The following CARF variants were observed in gnomAD, a reference collection of about 807,000 sequenced individuals.
The protein encoded by CARF is calcium responsive transcription factor.
Under a neutral mutation model 82.0 loss-of-function variants are expected in CARF, and 57 were observed. The ratio of observed to expected loss-of-function variants is 0.70; its 90% CI spans 0.56 to 0.87. CARF has a LOEUF of 0.87. Among genes scored for constraint, CARF ranks in the 40% least tolerant of loss-of-function variants. The pLI is 0.00. For synonymous variants in CARF, 268 were observed against 290.1 expected (o/e 0.92, Z 0.77); for missense variants, 771 against 855.8 (o/e 0.90, Z 1.24).
intron 8 of CARF, among the ~76,000 whole-genome samples, chr2:202,958,998 A>G (rs773376059): frequency 2.0e-5 from 3 of 150,396 alleles, no homozygotes; most frequent in Non-Finnish European, 4.4e-5. Context: ...TATTTTTTGA[A>G]TTTCTCATTT....
chr2:202,932,374 G>T (rs765115531), intron 3 of CARF, among the ~76,000 whole-genome samples: 4 of 152,116 alleles, frequency 2.6e-5, no homozygotes, highest in Admixed American at 6.6e-5. Flanking sequence ...CAGAGCTAGG[G>T]TCTGTGACTC....
Position 202,952,658 on chromosome 2 carries a change from G to C in CARF, c.406G>C (p.Val136Leu), listed in dbSNP as rs957958174. The change falls in exon 6 of 17, where the codon GTG becomes CTG. Residue 136 changes from valine (V) to leucine (L), a missense_variant. Physicochemically the swap from Val to Leu is conservative, Grantham distance 32. Transcript: ENST00000438828. ...AGTGATTATACCTCAGGGGCAACTT[G>C]TGGATGTGAATAGTCCTCGGGGTGA... ...AQVIIPQGQL[V>L]DVNSPRDVPE... The C allele has an allele frequency of 6.2e-7, 1 of 1,613,818 alleles. No homozygotes were observed. Among genetic ancestry groups the C allele is most frequent in the East Asian group, 2.2e-5 (1 of 44,850 alleles).
In CARF at chr2:202,969,662, A is replaced by G. The variant is rs866108372; in HGVS notation, c.954-257A>G. ...GTGATTATGCCTTCCAGGAGAATGA[A>G]GAGAAGGCAAATCTACGGGAAAAAA... On this transcript the variant is annotated intron_variant, in intron 10 of 16. Coordinates refer to ENST00000438828, the MANE Select transcript of CARF (RefSeq NM_024744.17). Among the ~76,000 whole-genome samples the G allele has an allele frequency of 2.0e-5, 3 of 152,098 alleles. No individual in the cohort carries two copies. In the South Asian group the frequency reaches 6.2e-4, roughly 32 times the overall value.
intron 8 of CARF, among the ~76,000 whole-genome samples, chr2:202,958,689 G>A (rs1045347723): frequency 1.3e-5 from 2 of 151,968 alleles, no homozygotes; most frequent in Admixed American, 6.6e-5. Flanking sequence ...GGTGGATCAC[G>A]AGGTCAAGAG....
Position 202,969,978 on chromosome 2 carries a change from T to C in CARF, c.1013T>C (p.Ile338Thr), listed in dbSNP as rs1284404787. 1.9e-6 allele frequency: 3 copies of C among 1,575,100 alleles called. No individual in the cohort carries two copies. The highest frequency in any genetic ancestry group is 2.6e-6 in the Non-Finnish European group (3 of 1,169,190). Reference sequence around the variant, plus strand: ...TATAGAGTTCCTACAGACCCCAAAATTGACAAGAAAATTATCAGAATGGAG... The same window carrying C: ...TATAGAGTTCCTACAGACCCCAAAACTGACAAGAAAATTATCAGAATGGAG... ...PEYRVPTDPKIDKKIIRMEQE... is the reference protein window; with the variant it reads ...PEYRVPTDPKTDKKIIRMEQE... The change falls in exon 11 of 17, where the codon ATT (isoleucine) becomes ACT (threonine). Residue 338 changes from isoleucine to threonine, a missense_variant. Coordinates refer to ENST00000438828, the MANE Select transcript of CARF (RefSeq NM_024744.17).
intron 2 of CARF, among the ~76,000 whole-genome samples, chr2:202,918,504 C>G (rs1020311632): frequency 3.9e-5 from 6 of 151,962 alleles, no homozygotes; most frequent in African/African-American, 1.5e-4. Context: ...CACTCCAGTA[C>G]TGGGTGATAG....
intron 1 of CARF, among the ~76,000 whole-genome samples, chr2:202,914,011 A>G (rs1433470934): frequency 6.6e-6 from 1 of 152,208 alleles, no homozygotes; most frequent in Non-Finnish European, 1.5e-5. Context: ...AGCATTCAAC[A>G]TAACTAAATA....
At chr2:202,930,040 T>G (rs1024975942) in intron 3 of CARF, among the ~76,000 whole-genome samples, 3 of 152,056 alleles carry the variant, frequency 2.0e-5, no homozygotes, top group African/African-American at 7.2e-5. Context: ...TCAATGTGTG[T>G]GGGGGGTTTT....
intron 11 of CARF, 35 bp downstream of exon 11, chr2:202,970,097 TTAA>T (rs1336322485): frequency 1.3e-6 from 2 of 1,506,770 alleles, no homozygotes; most frequent in African/African-American, 2.9e-5. Flanking sequence ...ATTTTACAAA[TTAA>T]TTAGCTCAAT....
At chr2:202,949,058 G>A (rs2058634521) in intron 5 of CARF, among the ~76,000 whole-genome samples, 1 of 152,058 alleles carries the variant, frequency 6.6e-6, no homozygotes, top group Admixed American at 6.6e-5. Context: ...TGTCTCAGCT[G>A]GGCCTGGTGG....
In CARF at chr2:202,940,485, ATGG is replaced by A. The variant is rs532826765; in HGVS notation, c.-43-1371_-43-1369del. Among the ~76,000 whole-genome samples the A allele has an allele frequency of 1.2e-4, 19 of 152,198 alleles. No individual in the cohort carries two copies. In the East Asian group the frequency reaches 3.7e-3, roughly 29 times the overall value. Reference sequence around the variant, plus strand: ...TGTCTGAATCTGGTGACTCAATCTCATGGTGGCTAATTTCCTGTTTTTTTGGCA... The same window carrying A: ...TGTCTGAATCTGGTGACTCAATCTCATGGCTAATTTCCTGTTTTTTTGGCA... On this transcript the variant is annotated intron_variant, in intron 3 of 16. Coordinates refer to ENST00000438828, the MANE Select transcript of CARF (RefSeq NM_024744.17).
intron 3 of CARF, among the ~76,000 whole-genome samples, chr2:202,933,305 G>A (rs1449697427): frequency 6.6e-6 from 1 of 152,158 alleles, no homozygotes; most frequent in Non-Finnish European, 1.5e-5. Context: ...CAGCCCCAGA[G>A]CAAGACACAC....
chr2:202,954,913 C>G (rs537096966), intron 7 of CARF, among the ~76,000 whole-genome samples: 1 of 150,074 alleles, frequency 6.7e-6, no homozygotes, highest in African/African-American at 2.4e-5. Flanking sequence ...ACTTGGGAGG[C>G]TGAGGCAGGA....
rs746715147 is a variant in CARF at position 202,983,583 on chromosome 2, G to A, written c.2137G>A (p.Ala713Thr). The change falls in exon 17 of 17, where the codon GCA becomes ACA. Residue 713 changes from alanine to threonine, a missense_variant. Transcript: ENST00000438828. The part of the protein sequence containing the change: ...EPKEPALSME[A>T]KKTVDYKKLS... ...CAAAGAACCAGCATTGTCTATGGAA[G>A]CAAAAAAAACTGTGGACTATAAGAA... is the stretch of plus-strand genomic sequence containing the variant. The A allele has an allele frequency of 1.2e-5, 19 of 1,609,486 alleles. No homozygotes were observed. In the South Asian group the frequency reaches 2.0e-4, roughly 17 times the overall value.
In CARF at chr2:202,986,436, T is replaced by C. The variant is rs963117724; in HGVS notation, c.*2812T>C. 1.3e-5 allele frequency: 2 copies of C among 152,132 alleles called. No individual in the cohort carries two copies. The highest frequency in any genetic ancestry group is 4.8e-5 in the African/African-American group (2 of 41,454). 9.4% of individuals were successfully genotyped at this position (152,132 alleles called of 1,614,324 possible). On this transcript the variant is annotated 3_prime_UTR_variant, in exon 17 of 17. Coordinates refer to ENST00000438828, the MANE Select transcript of CARF (RefSeq NM_024744.17). Reference sequence around the variant, plus strand: ...CATGTATTGTAAGTTGTAATATCTGTAGGAGTGAGTTGGACATTCTAAATT... The same window carrying C: ...CATGTATTGTAAGTTGTAATATCTGCAGGAGTGAGTTGGACATTCTAAATT...
At chr2:202,930,989 T>G (rs998191498) in intron 3 of CARF, among the ~76,000 whole-genome samples, 2 of 148,736 alleles carry the variant, frequency 1.3e-5, no homozygotes, top group African/African-American at 4.9e-5. Flanking sequence ...TTTTTTTTTT[T>G]TGGCAACGGA....
chr2:202,937,233 A>G (rs1319545313), intron 3 of CARF, among the ~76,000 whole-genome samples: 1 of 152,164 alleles, frequency 6.6e-6, no homozygotes, highest in Non-Finnish European at 1.5e-5. Context: ...TATTTTATAA[A>G]TTGATATATT....
chr2:202,967,009 T>A lies in CARF; in HGVS notation c.864T>A (p.Tyr288Ter), dbSNP rs1481418042. The change falls in exon 10 of 17, where the codon TAT becomes TAA. Residue 288 changes from tyrosine to a stop codon, truncating the protein, a stop_gained. Coordinates refer to ENST00000438828, the MANE Select transcript of CARF (RefSeq NM_024744.17). LOFTEE classifies it high-confidence loss of function. The part of the protein sequence containing the change: ...GSRAVVMECQ[Y>*]GPRRKGFQLK... ...GAGCTGTGGTAATGGAGTGTCAGTA[T>A]GGGCCAAGAAGAAAAGGTTTCCAGT... 6.2e-7 allele frequency: 1 copy of A among 1,614,002 alleles called. No homozygotes were observed. The highest frequency in any genetic ancestry group is 1.1e-5 in the South Asian group (1 of 91,074).
chr2:202,955,548 G>T, intron 7 of CARF, 126 bp from the exon 8 acceptor site: 1 of 561,776 alleles, frequency 1.8e-6, no homozygotes, highest in South Asian at 2.8e-5. Context: ...TCAATCTGTA[G>T]TTATTGTTAA....
Sources: gnomAD v4.1 joint callset for allele counts (sites outside exome capture counted in the v4.1 genomes callset) on GRCh38, gnomAD v4.1.1 for gene constraint, MANE v1.5 for transcripts, NCBI Gene and HGNC (gene_info 2026-07-23, HGNC 2026-07-21) for gene names.